The following ADAMTS17 variants were observed in gnomAD, a reference collection of about 807,000 sequenced individuals.
ADAMTS17 encodes ADAM metallopeptidase with thrombospondin type 1 motif 17, also known as A disintegrin and metalloproteinase with thrombospondin motifs 17.
Under a neutral mutation model 141.5 loss-of-function variants are expected in ADAMTS17, and 113 were observed. The observed-to-expected ratio is 0.80, with a 90% CI of 0.69 to 0.93. The LOEUF is 0.93. Among genes scored for constraint, ADAMTS17 ranks in the 40% least tolerant of loss-of-function variants. ADAMTS17 has a pLI of 0.00. For synonymous variants in ADAMTS17, 768 were observed against 630.6 expected, an observed-to-expected ratio of 1.22 and a Z score of -3.27; for missense variants, 1,659 against 1,517.9, an observed-to-expected ratio of 1.09 and a Z score of -1.54.
chr15:100,016,794 G>C (rs1206660364), intron 18 of ADAMTS17, among the ~76,000 whole-genome samples: 1 of 152,214 alleles, frequency 6.6e-6, no homozygotes, highest in Non-Finnish European at 1.5e-5. Flanking sequence ...GACTCTGTGA[G>C]GGTTCTTAGC....
chr15:100,203,116 G>T (rs1365746918), intron 7 of ADAMTS17, among the ~76,000 whole-genome samples: 1 of 152,146 alleles, frequency 6.6e-6, no homozygotes, highest in Middle Eastern at 3.2e-3. Context: ...CCCTTGCTTG[G>T]CAGGCATGAC....
At chr15:100,161,009 T>C (rs2039668005) in intron 8 of ADAMTS17, among the ~76,000 whole-genome samples, 1 of 152,226 alleles carries the variant, frequency 6.6e-6, no homozygotes, top group South Asian at 2.1e-4. Flanking sequence ...AACGAAAACG[T>C]GTGGCATTAA....
At position 99,973,975 on chromosome 15, in the gene ADAMTS17, G is replaced by C; in HGVS notation, c.*427C>G. The C allele has an allele frequency of 5.0e-6, 1 of 198,536 alleles. No individual in the cohort carries two copies. The highest frequency in any genetic ancestry group is 4.0e-5 in the South Asian group (1 of 25,096). The allele number at this position is 198,536 out of a possible 1,614,324, so 12.3% of individuals were successfully genotyped here. On this transcript the variant is annotated 3_prime_UTR_variant, in exon 22 of 22. Coordinates refer to ENST00000268070, the MANE Select transcript of ADAMTS17 (RefSeq NM_139057.4). ...ACCAACACCTGCCCCTCCCTCCATGGTGTCGCCGGCTTTCAGAATAAAGCC... is the reference window on the plus strand; with the variant it reads ...ACCAACACCTGCCCCTCCCTCCATGCTGTCGCCGGCTTTCAGAATAAAGCC...
chr15:100,041,673 G>A (rs973479284), intron 18 of ADAMTS17, among the ~76,000 whole-genome samples: 2 of 152,212 alleles, frequency 1.3e-5, no homozygotes, highest in African/African-American at 4.8e-5. Context: ...TTTTGTGTTG[G>A]TGTGTGAGAT....
At chr15:100,012,032 C>G (rs948166896) in intron 18 of ADAMTS17, among the ~76,000 whole-genome samples, 1 of 152,208 alleles carries the variant, frequency 6.6e-6, no homozygotes, top group East Asian at 1.9e-4. Context: ...GTTCCCTGAT[C>G]ACGGCATCCA....
At chr15:100,191,684 A>G (rs909635186) in intron 8 of ADAMTS17, among the ~76,000 whole-genome samples, 1 of 152,256 alleles carries the variant, frequency 6.6e-6, no homozygotes, top group Non-Finnish European at 1.5e-5. Context: ...CCACAGTCAC[A>G]AATGCTCCTT....
intron 3 of ADAMTS17, among the ~76,000 whole-genome samples, chr15:100,309,413 G>A (rs1399523638): frequency 1.3e-5 from 2 of 152,214 alleles, no homozygotes; most frequent in African/African-American, 2.4e-5. Flanking sequence ...GGTGGTCGGC[G>A]CTGGGATGGA....
chr15:100,156,790 G>A (rs182881390), intron 8 of ADAMTS17, among the ~76,000 whole-genome samples: 1 of 152,184 alleles, frequency 6.6e-6, no homozygotes, highest in South Asian at 2.1e-4. Context: ...TGCTTCACAA[G>A]TCTTTTACAA....
chr15:100,010,032 T>C (rs1208219177), intron 18 of ADAMTS17, among the ~76,000 whole-genome samples: 1 of 152,198 alleles, frequency 6.6e-6, no homozygotes, highest in African/African-American at 2.4e-5. Flanking sequence ...CCCGTGCTGT[T>C]CTCAAGATAG....
intron 3 of ADAMTS17, among the ~76,000 whole-genome samples, chr15:100,319,732 A>G (rs2045673061): frequency 6.6e-6 from 1 of 152,022 alleles, no homozygotes; most frequent in African/African-American, 2.4e-5. Flanking sequence ...AGAAATTCAG[A>G]AGGTGGAATC....
intron 15 of ADAMTS17, among the ~76,000 whole-genome samples, chr15:100,068,139 G>A (rs1335821865): frequency 1.3e-5 from 2 of 152,208 alleles, no homozygotes; most frequent in Non-Finnish European, 1.5e-5. Flanking sequence ...CTACACCCAC[G>A]GAGCCTCGCT....
At chr15:100,206,020 G>A (rs939800075) in intron 7 of ADAMTS17, among the ~76,000 whole-genome samples, 3 of 152,218 alleles carry the variant, frequency 2.0e-5, no homozygotes, top group African/African-American at 7.2e-5. Flanking sequence ...ACCTGTCACA[G>A]CTGAGGGCCC....
At chr15:100,200,402 C>T (rs974230522) in intron 7 of ADAMTS17, among the ~76,000 whole-genome samples, 1 of 152,062 alleles carries the variant, frequency 6.6e-6, no homozygotes, top group South Asian at 2.1e-4. Context: ...GGAGGGCGAG[C>T]CCATGCCGGC....
At chr15:100,152,230 G>T (rs560286066) in intron 10 of ADAMTS17, among the ~76,000 whole-genome samples, 2 of 152,280 alleles carry the variant, frequency 1.3e-5, no homozygotes, top group East Asian at 3.9e-4. Context: ...TTTGAAGTCA[G>T]GCGACAGTGT....
In ADAMTS17 at chr15:100,070,704, G is replaced by C. The variant is rs886337671; in HGVS notation, c.2138-16650C>G. Among the ~76,000 whole-genome samples, 48 of 149,696 alleles carry C rather than the reference G, an allele frequency of 3.2e-4. 2 individuals carry two copies. The highest frequency in any genetic ancestry group is 9.9e-4 in the African/African-American group (40 of 40,414). On this transcript the variant is annotated intron_variant, in intron 15 of 21. Transcript: ENST00000268070. The stretch of plus-strand genomic sequence containing the variant: ...GTTCTTTGACACCAACGAGAACAAA[G>C]ACACAACATACCAGAATCTCTGGGA...
intron 3 of ADAMTS17, among the ~76,000 whole-genome samples, chr15:100,302,302 A>C (rs563766427): frequency 1.2e-4 from 19 of 152,336 alleles, no homozygotes; most frequent in Non-Finnish European, 2.6e-4. Flanking sequence ...ATTTTATTTA[A>C]TTCGCAAATT....
intron 15 of ADAMTS17, among the ~76,000 whole-genome samples, chr15:100,059,467 C>G (rs1022540741): frequency 6.6e-6 from 1 of 152,182 alleles, no homozygotes; most frequent in African/African-American, 2.4e-5. Context: ...GGGTTACTTC[C>G]AACCTTTTCA....
intron 10 of ADAMTS17, among the ~76,000 whole-genome samples, chr15:100,143,176 T>G (rs1194366354): frequency 6.6e-6 from 1 of 152,136 alleles, no homozygotes; most frequent in Non-Finnish European, 1.5e-5. Flanking sequence ...CGGTGGGACT[T>G]TGTGAGGCAG....
At chr15:100,281,435 G>A (rs1325556559) in intron 3 of ADAMTS17, 34 bp from the exon 4 acceptor site, 3 of 1,599,036 alleles carry the variant, frequency 1.9e-6, no homozygotes, top group Non-Finnish European at 2.6e-6. Context: ...TGCGGTCCTT[G>A]GCTTACTGAC....
Sources: allele counts gnomAD v4.1 joint callset (sites outside exome capture counted in the v4.1 genomes callset), GRCh38; gene constraint gnomAD v4.1.1; transcripts MANE v1.5; gene names NCBI Gene and HGNC (gene_info 2026-07-23, HGNC 2026-07-21).